DNAH17: variants seen among roughly 807,000 people sequenced by gnomAD.
The protein encoded by DNAH17 is dynein axonemal heavy chain 17, also known as axonemal beta dynein heavy chain 17.
DNAH17 carries 376 observed loss-of-function variants against 485.6 expected under a neutral mutation model. The observed-to-expected ratio is 0.77, with a 90% CI of 0.71 to 0.84. DNAH17 has a LOEUF of 0.84. Among genes scored for constraint, DNAH17 ranks in the 40% least tolerant of loss-of-function variants. The probability of loss-of-function intolerance (pLI) is 0.00; values close to 1 mark genes in which losing one functional copy is unlikely to be tolerated. For missense variants in DNAH17, 6,370 were observed against 5,839.3 expected (o/e 1.09, Z -2.96); for synonymous variants, 3,031 against 2,405.9 (o/e 1.26, Z -7.60).
At chr17:78,543,545 C>T (rs1382177954) in intron 17 of DNAH17, among the ~76,000 whole-genome samples, 1 of 152,136 alleles carries the variant, frequency 6.6e-6, no homozygotes, top group African/African-American at 2.4e-5. Context: ...CCGCCTCGGC[C>T]TCCCAAAGTG....
intron 11 of DNAH17, among the ~76,000 whole-genome samples, chr17:78,564,754 CAG>C (rs1568263282): frequency 6.6e-6 from 1 of 152,134 alleles, no homozygotes; most frequent in African/African-American, 2.4e-5. Flanking sequence ...AACTCAAATC[CAG>C]TGCCTGACCT....
rs79395256 is a variant in DNAH17 at position 78,488,697 on chromosome 17, G to A, written c.6818+2002C>T. Among the ~76,000 whole-genome samples the A allele has an allele frequency of 1.3e-3, 193 of 152,272 alleles. 4 individuals carry two copies. The East Asian group carries it at 0.034, about 27-fold the overall frequency. On this transcript the variant is annotated intron_variant, in intron 44 of 80. Coordinates refer to ENST00000389840, the MANE Select transcript of DNAH17 (RefSeq NM_173628.4). ...AGAATGTGCCCTGATTTGGAGAAAGGGCATTAGCAGATGTCATCAAGGATC... is the reference window on the plus strand; with the variant it reads ...AGAATGTGCCCTGATTTGGAGAAAGAGCATTAGCAGATGTCATCAAGGATC...
At chr17:78,569,137 G>C in intron 9 of DNAH17, 29 bp downstream of exon 9, 1 of 1,546,038 alleles carries the variant, frequency 6.5e-7, no homozygotes, top group Non-Finnish European at 8.8e-7. Flanking sequence ...GGGAAGTGGA[G>C]GTCAAGATGC....
In DNAH17 at chr17:78,506,855, A is replaced by G. The variant is rs776574626; in HGVS notation, c.4677-9T>C. 6 of 1,613,686 alleles carry G rather than the reference A, an allele frequency of 3.7e-6. No homozygotes were observed. The highest frequency in any genetic ancestry group is 4.2e-6 in the Non-Finnish European group (5 of 1,179,828). On this transcript the variant is annotated splice_polypyrimidine_tract_variant and intron_variant, in intron 29 of 80. Coordinates refer to ENST00000389840, the MANE Select transcript of DNAH17 (RefSeq NM_173628.4). ...TTTCACAGATGGCCAAGCTGGGAGGAAGGAAGGAAGTAGAGGAGGCCGGTG... is the reference window on the plus strand; with the variant it reads ...TTTCACAGATGGCCAAGCTGGGAGGGAGGAAGGAAGTAGAGGAGGCCGGTG...
intron 57 of DNAH17, among the ~76,000 whole-genome samples, chr17:78,462,157 G>A (rs570748760): frequency 5.5e-4 from 84 of 151,906 alleles, no homozygotes; most frequent in African/African-American, 2.0e-3. Context: ...GGATGACAGA[G>A]CGAGACTCTG....
intron 41 of DNAH17, 84 bp downstream of exon 41, chr17:78,493,952 G>A: frequency 2.0e-6 from 3 of 1,497,460 alleles, no homozygotes; most frequent in Non-Finnish European, 1.8e-6. Flanking sequence ...CGGGGTGGCG[G>A]GGAGTGATGG....
At position 78,468,987 on chromosome 17, in the gene DNAH17, G is replaced by A. The variant is rs143051582; in HGVS notation, c.8512-104C>T. 841 of 1,384,882 alleles carry A rather than the reference G, an allele frequency of 6.1e-4. 6 individuals carry two copies. In the East Asian group the frequency reaches 0.015, roughly 25 times the overall value. 85.8% of individuals were successfully genotyped at this position (1,384,882 alleles called of 1,614,324 possible). On this transcript the variant is annotated intron_variant, in intron 54 of 80. Coordinates refer to ENST00000389840, the MANE Select transcript of DNAH17 (RefSeq NM_173628.4). Reference sequence around the variant, plus strand: ...CACAGGGCCATTTTTTCTTTGAGACGGAGTCTCGCTCTGTCGCCCAGGCTG... The same window carrying A: ...CACAGGGCCATTTTTTCTTTGAGACAGAGTCTCGCTCTGTCGCCCAGGCTG...
At chr17:78,574,567 G>C (rs2092406559) in intron 2 of DNAH17, 146 bp downstream of exon 2, 1 of 689,296 alleles carries the variant, frequency 1.5e-6, no homozygotes, top group African/African-American at 1.8e-5. Flanking sequence ...AGGGTGGACG[G>C]GGCCCGAGCG....
chr17:78,510,043 G>A (rs939361436), intron 27 of DNAH17, among the ~76,000 whole-genome samples: 4 of 152,130 alleles, frequency 2.6e-5, no homozygotes, highest in East Asian at 1.9e-4. Context: ...TTAGCTGGGC[G>A]TGGTGGTGCA....
Position 78,425,368 on chromosome 17 carries a change from G to A in DNAH17, c.13119C>T (p.Tyr4373=), listed in dbSNP as rs746630218. The change falls in exon 80 of 81, where the codon TAC becomes TAT. Residue 4373 remains tyrosine (Y), a synonymous_variant. Coordinates refer to ENST00000389840, the MANE Select transcript of DNAH17 (RefSeq NM_173628.4). Reference sequence around the variant, plus strand: ...TACCTTCCATGAAGAGTCCGTACACGTAGGAGCCCTCTCGCGGAGGAGCGG... The same window carrying A: ...TACCTTCCATGAAGAGTCCGTACACATAGGAGCCCTCTCGCGGAGGAGCGG... ...DMTAPPREGS[Y]VYGLFMEGAR... The A allele has an allele frequency of 1.8e-5, 29 of 1,613,824 alleles. No homozygotes were observed. The highest frequency in any genetic ancestry group is 1.4e-4 in the South Asian group (13 of 91,088).
rs779758183 is a variant in DNAH17, at chr17:78,561,714, C to T, written c.1835+1G>A. ...TGCCCCTGCCCAGGGCTGTGACTCA[C>T]GGGTGTTCGACGTGCTTCAGGTGTT... On this transcript the variant is annotated splice_donor_variant, in intron 12 of 80. Coordinates refer to ENST00000389840, the MANE Select transcript of DNAH17 (RefSeq NM_173628.4). LOFTEE classifies it high-confidence loss of function. 5.0e-6 allele frequency: 8 copies of T among 1,602,488 alleles called. No individual in the cohort carries two copies. The East Asian group carries it at 6.7e-5, about 13-fold the overall frequency.
intron 20 of DNAH17, among the ~76,000 whole-genome samples, chr17:78,530,895 C>T (rs548409492): frequency 2.6e-5 from 4 of 152,214 alleles, no homozygotes; most frequent in Non-Finnish European, 5.9e-5. Context: ...CAACCCTGTG[C>T]TACAGAATGT....
chr17:78,468,016 C>CAAA lies in DNAH17; in HGVS notation c.8778+598_8778+600dup, dbSNP rs1250610248. On this transcript the variant is annotated intron_variant, in intron 55 of 80. Coordinates refer to ENST00000389840, the MANE Select transcript of DNAH17 (RefSeq NM_173628.4). ...CTGGGCGACAAGTGAAACTCCATCT[C>CAAA]AAAAAAAAAAAAAAAAAGAGAGAGA... 3.9e-3 allele frequency among the ~76,000 whole-genome samples: 343 copies of CAAA among 88,524 alleles called. 2 individuals carry two copies. Among genetic ancestry groups the CAAA allele is most frequent in the African/African-American group, 0.014 (323 of 22,832 alleles). 58.1% of individuals were successfully genotyped at this position (88,524 alleles called of 152,430 possible). A position where few individuals can be genotyped will look rare whatever the true frequency, so the allele number is the denominator to read the frequency against.
intron 16 of DNAH17, among the ~76,000 whole-genome samples, chr17:78,547,453 T>C (rs1371808872): frequency 6.6e-6 from 1 of 152,206 alleles, no homozygotes; most frequent in African/African-American, 2.4e-5. Context: ...TGCAGAATAT[T>C]GTTCTGTATC....
At chr17:78,512,677 C>T (rs2090665715) in intron 26 of DNAH17, among the ~76,000 whole-genome samples, 1 of 152,154 alleles carries the variant, frequency 6.6e-6, no homozygotes, top group Non-Finnish European at 1.5e-5. Flanking sequence ...TGCGGTGGCT[C>T]ACACCTGTAA....
At position 78,492,574 on chromosome 17, in the gene DNAH17, C is replaced by T. The variant is rs1308064145; in HGVS notation, c.6541+59G>A. The T allele has an allele frequency of 1.2e-5, 19 of 1,594,294 alleles. No individual in the cohort carries two copies. In the East Asian group the frequency reaches 2.3e-4, roughly 19 times the overall value. On this transcript the variant is annotated intron_variant, in intron 42 of 80. Coordinates refer to ENST00000389840, the MANE Select transcript of DNAH17 (RefSeq NM_173628.4). ...TTCCACGTGGGAACGGCTGAGCACA[C>T]GCTCACTGCACTGGACCAGGAGTGC...
Position 78,574,817 on chromosome 17 carries a change from T to G in DNAH17, c.241A>C (p.Lys81Gln). 6.2e-7 allele frequency: 1 copy of G among 1,613,982 alleles called. No homozygotes were observed. Among genetic ancestry groups the G allele is most frequent in the South Asian group, 1.1e-5 (1 of 91,086 alleles). Residue 81 changes from lysine (K) to glutamine (Q), a missense_variant, in exon 2 of 81, where the codon AAG becomes CAG. By Grantham distance (53) the Lys-to-Gln change is moderately conservative. Transcript: ENST00000389840. ...TTGTTGATGTTCTCGGACTTTGTCT[T>G]GATGAAGTAAACCCCTTTGGACTTG... Reference protein sequence around the residue: ...SLKSKGVYFIKTKSENINKDN... With the variant: ...SLKSKGVYFIQTKSENINKDN...
intron 16 of DNAH17, among the ~76,000 whole-genome samples, chr17:78,545,270 CTTT>C (rs773006762): frequency 9.9e-5 from 15 of 152,262 alleles, no homozygotes; most frequent in African/African-American, 3.4e-4. Context: ...GAAGGATTTC[CTTT>C]TTTTATTAGC....
chr17:78,483,036 A>G (rs1459738476), intron 48 of DNAH17, among the ~76,000 whole-genome samples: 1 of 152,106 alleles, frequency 6.6e-6, no homozygotes, highest in Admixed American at 6.5e-5. Flanking sequence ...CTCACAGTAG[A>G]CCTGCCTGCA....
Sources: gnomAD v4.1 joint callset for allele counts (sites outside exome capture counted in the v4.1 genomes callset) on GRCh38, gnomAD v4.1.1 for gene constraint, MANE v1.5 for transcripts, NCBI Gene and HGNC (gene_info 2026-07-23, HGNC 2026-07-21) for gene names.